The following SHCBP1 variants were observed in gnomAD, a reference collection of about 807,000 sequenced individuals.
The protein encoded by SHCBP1 is SHC SH2 domain-binding protein 1.
Under a neutral mutation model 75.1 loss-of-function variants are expected in SHCBP1, and 60 were observed. The observed-to-expected ratio is 0.80, with a 90% CI of 0.65 to 0.99. SHCBP1 has a LOEUF of 0.99. SHCBP1 is among the 50% of genes least tolerant of loss of function. The probability of loss-of-function intolerance (pLI) is 0.00; values close to 1 mark genes in which losing one functional copy is unlikely to be tolerated. For synonymous variants in SHCBP1, 290 were observed against 293.2 expected, an observed-to-expected ratio of 0.99 and a Z score of 0.11; for missense variants, 709 against 809.4, an observed-to-expected ratio of 0.88 and a Z score of 1.50.
chr16:46,611,759 T>C (rs1965419664), intron 4 of SHCBP1, among the ~76,000 whole-genome samples: 1 of 152,202 alleles, frequency 6.6e-6, no homozygotes, highest in Admixed American at 6.5e-5. Flanking sequence ...GAGGACTTTA[T>C]TACAATGCCT....
At chr16:46,613,096 C>T (rs963669460) in intron 4 of SHCBP1, among the ~76,000 whole-genome samples, 3 of 152,108 alleles carry the variant, frequency 2.0e-5, no homozygotes, top group Non-Finnish European at 4.4e-5. Flanking sequence ...GGTGGGAGGA[C>T]TGCTTGAGCC....
chr16:46,594,771 T>G (rs1596675277), intron 10 of SHCBP1, among the ~76,000 whole-genome samples: 1 of 152,068 alleles, frequency 6.6e-6, no homozygotes, highest in East Asian at 1.9e-4. Flanking sequence ...GAAAACTGTG[T>G]TCACACAAAA....
intron 8 of SHCBP1, among the ~76,000 whole-genome samples, chr16:46,601,772 T>C (rs1299700730): frequency 2.0e-5 from 3 of 152,254 alleles, no homozygotes; most frequent in African/African-American, 4.8e-5. Context: ...GAATTGCATA[T>C]TGAGAAAAGA....
chr16:46,610,909 A>T (rs1965406476), intron 4 of SHCBP1, among the ~76,000 whole-genome samples: 1 of 152,154 alleles, frequency 6.6e-6, no homozygotes, highest in African/African-American at 2.4e-5. Context: ...TAAGATCTAC[A>T]GACCTGCAGG....
chr16:46,613,115 C>A (rs867687380), intron 4 of SHCBP1, among the ~76,000 whole-genome samples: 1 of 152,068 alleles, frequency 6.6e-6, no homozygotes, highest in African/African-American at 2.4e-5. Flanking sequence ...CCCAGGAGTT[C>A]GAGACCAGCT....
chr16:46,588,489 T>TATC (rs1165515833), intron 10 of SHCBP1, among the ~76,000 whole-genome samples: 1 of 152,068 alleles, frequency 6.6e-6, no homozygotes, highest in Non-Finnish European at 1.5e-5. Flanking sequence ...ATAAAGGGGA[T>TATC]ATCACCACCA....
intron 4 of SHCBP1, among the ~76,000 whole-genome samples, chr16:46,609,954 A>ATT (rs77526846): frequency 1.2e-4 from 17 of 138,646 alleles, no homozygotes; most frequent in South Asian, 6.7e-4. Flanking sequence ...TTGATATTGG[A>ATT]TTTTTTTTTT....
rs560446268 is a variant in SHCBP1, at chr16:46,600,015, C to T, written c.1214-53G>A. On this transcript the variant is annotated intron_variant, in intron 8 of 12. Coordinates refer to ENST00000303383, the MANE Select transcript of SHCBP1 (RefSeq NM_024745.5). The stretch of plus-strand genomic sequence containing the variant: ...AGATGGGTGAGGAAAAACATCTAAA[C>T]GTGAACACTGTAGAACAAGTTTCTC... The T allele has an allele frequency of 3.9e-5, 63 of 1,597,950 alleles. No homozygotes were observed. The South Asian group carries it at 4.2e-4, about 11-fold the overall frequency.
chr16:46,618,163 C>T (rs762694487), intron 2 of SHCBP1, 42 bp downstream of exon 2: 10 of 1,548,810 alleles, frequency 6.5e-6, no homozygotes, highest in East Asian at 2.3e-5. Flanking sequence ...ACAACAAGAG[C>T]GAAACTCCAT....
At chr16:46,612,867 TC>T (rs1343668885) in intron 4 of SHCBP1, among the ~76,000 whole-genome samples, 1 of 152,176 alleles carries the variant, frequency 6.6e-6, no homozygotes, top group Non-Finnish European at 1.5e-5. Context: ...TTGACTTCTC[TC>T]ACCTCACTTA....
At chr16:46,595,299 C>CTACAAT (rs113792071) in intron 10 of SHCBP1, among the ~76,000 whole-genome samples, 149,889 of 152,150 alleles carry the variant, frequency 0.99, 73,858 homozygotes, top group East Asian at 1. Flanking sequence ...CTGTGTGAAT[C>CTACAAT]TACAAAGTTA....
chr16:46,595,456 G>C (rs549657969), intron 10 of SHCBP1, 96 bp downstream of exon 10: 136 of 932,418 alleles, frequency 1.5e-4, no homozygotes, highest in Non-Finnish European at 2.0e-4. Flanking sequence ...TGTCTGAAGA[G>C]AGTGGGAGTA....
Position 46,592,951 on chromosome 16 carries a change from C to CAAAAAAAAAAA in SHCBP1, c.1464+2590_1464+2600dup. Among the ~76,000 whole-genome samples, 157 of 22,776 alleles carry CAAAAAAAAAAA rather than the reference C, an allele frequency of 6.9e-3. 17 individuals carry two copies. Among genetic ancestry groups the CAAAAAAAAAAA allele is most frequent in the East Asian group, 0.026 (10 of 390 alleles). 14.9% of individuals were successfully genotyped at this position (22,776 alleles called of 152,430 possible). ...AACATCCACTTATGATAAAAATTCT[C>CAAAAAAAAAAA]AAAAAAAAAAAAAAAAAAAAAAAAA... On this transcript the variant is annotated intron_variant, in intron 10 of 12. Coordinates refer to ENST00000303383, the MANE Select transcript of SHCBP1 (RefSeq NM_024745.5).
In SHCBP1 at chr16:46,581,896, G is replaced by A. The variant is rs776867483; in HGVS notation, c.1852C>T (p.Leu618=). The stretch of plus-strand genomic sequence containing the variant: ...CCTTTCTGTGTGGAGGCAGCAATTA[G>A]TTCATTTACAATTTCACAATTTCCC... ...VEGNCEIVNE[L]IAASTQKGQI... is the part of the protein sequence containing the mutation. The change falls in exon 13 of 13, where the codon CTA becomes TTA. Residue 618 remains leucine (L), a synonymous_variant. Coordinates refer to ENST00000303383, the MANE Select transcript of SHCBP1 (RefSeq NM_024745.5). 40 of 1,613,950 alleles carry A rather than the reference G, an allele frequency of 2.5e-5. No individual in the cohort carries two copies. In the Admixed American group the frequency reaches 6.5e-4, roughly 26 times the overall value.
In SHCBP1 at chr16:46,608,374, G is replaced by C. The variant is rs34559393; in HGVS notation, c.612C>G (p.Asn204Lys). ...AIEHVRFFYQ[N>K]IWRSWDEEEE... ...CTTCTTCATCCCAACTCCTCCAAATGTTTTGGTAGAAAAATCTGAAATGGA... is the reference window on the plus strand; with the variant it reads ...CTTCTTCATCCCAACTCCTCCAAATCTTTTGGTAGAAAAATCTGAAATGGA... Residue 204 changes from asparagine (N) to lysine (K), a missense_variant, in exon 5 of 13, where the codon AAC becomes AAG. Coordinates refer to ENST00000303383, the MANE Select transcript of SHCBP1 (RefSeq NM_024745.5). 2.5e-6 allele frequency: 4 copies of C among 1,612,778 alleles called. No individual in the cohort carries two copies.
intron 4 of SHCBP1, among the ~76,000 whole-genome samples, chr16:46,612,950 G>A (rs146117115): frequency 3.9e-5 from 6 of 151,972 alleles, no homozygotes; most frequent in South Asian, 2.1e-4. Flanking sequence ...GCCTCCATCC[G>A]TCCTCTCTAT....
At chr16:46,617,788 T>C in intron 2 of SHCBP1, 39 bp from the exon 3 acceptor site, 2 of 1,453,212 alleles carry the variant, frequency 1.4e-6, no homozygotes, top group Non-Finnish European at 1.9e-6. Context: ...TGAGAATGCA[T>C]AAAGCAGAGG....
chr16:46,611,818 C>T (rs1965420640), intron 4 of SHCBP1, among the ~76,000 whole-genome samples: 1 of 152,170 alleles, frequency 6.6e-6, no homozygotes, highest in Non-Finnish European at 1.5e-5. Flanking sequence ...TACAGGTTGT[C>T]AACCTGATCC....
At chr16:46,592,209 A>C (rs1279704548) in intron 10 of SHCBP1, among the ~76,000 whole-genome samples, 2 of 152,160 alleles carry the variant, frequency 1.3e-5, no homozygotes, top group Non-Finnish European at 2.9e-5. Flanking sequence ...CAATGAAACA[A>C]AGAGTTGGTT....
Sources: allele counts gnomAD v4.1 joint callset (sites outside exome capture counted in the v4.1 genomes callset), GRCh38; gene constraint gnomAD v4.1.1; transcripts MANE v1.5; gene names NCBI Gene and HGNC (gene_info 2026-07-23, HGNC 2026-07-21).